The following CELF2 variants were observed in gnomAD, a reference collection of about 807,000 sequenced individuals.
CELF2 encodes CUG triplet repeat RNA-binding protein 2.
In CELF2, 8 loss-of-function variants were observed where a neutral mutation model predicts 62.6. The observed-to-expected ratio is 0.13, with a 90% CI of 0.07 to 0.23. The LOEUF (loss-of-function observed/expected upper bound fraction) is 0.23. Ranked by LOEUF, CELF2 falls within the 10% of genes least tolerant of loss-of-function variation. CELF2 has a pLI of 1.00. For missense variants in CELF2, 333 were observed against 671.0 expected (o/e 0.50, Z 5.56); for synonymous variants, 258 against 250.0 (o/e 1.03, Z -0.30).
At chr10:10,766,362 A>G in the CELF2 span, among the ~76,000 whole-genome samples, 2 of 152,232 alleles carry the variant, frequency 1.3e-5, no homozygotes, top group Non-Finnish European at 2.9e-5. Context: ...TTCCTTTGTC[A>G]TAAAATGTGT....
chr10:10,752,176 G>A, the CELF2 span, among the ~76,000 whole-genome samples: 3 of 152,216 alleles, frequency 2.0e-5, no homozygotes, highest in African/African-American at 7.2e-5. Context: ...ACTCCTCCCA[G>A]GAGAGAGTCA....
chr10:11,243,566 A>C lies in CELF2; in HGVS notation c.355-5587A>C, dbSNP rs940757162. Among the ~76,000 whole-genome samples the C allele has an allele frequency of 2.6e-5, 4 of 152,218 alleles. No individual in the cohort carries two copies. Among genetic ancestry groups the C allele is most frequent in the Admixed American group, 6.5e-5 (1 of 15,282 alleles). On this transcript the variant is annotated intron_variant, in intron 3 of 12. Coordinates refer to ENST00000633077, the MANE Select transcript of CELF2 (RefSeq NM_001326342.2). The surrounding 1 kb of genome is among the most constrained non-coding windows in gnomAD (Gnocchi z 4.1). ...CTGCGGCCTTGCGTGAGAGGACCAGAGATCTCCTGTCGTCTTCCAGGCTTG... is the reference window on the plus strand; with the variant it reads ...CTGCGGCCTTGCGTGAGAGGACCAGCGATCTCCTGTCGTCTTCCAGGCTTG...
At chr10:10,736,396 C>CTTTCTTTTTTTTTTTTTTT in the CELF2 span, among the ~76,000 whole-genome samples, 1 of 76,016 alleles carries the variant, frequency 1.3e-5, no homozygotes, top group Non-Finnish European at 2.7e-5. Flanking sequence ...TTCTTTCTTT[C>CTTTCTTTTTTTTTTTTTTT]TTTTTTTTTT....
At chr10:11,079,920 C>G (rs1387803068) in intron 1 of CELF2, among the ~76,000 whole-genome samples, 2 of 152,142 alleles carry the variant, frequency 1.3e-5, no homozygotes, top group Non-Finnish European at 2.9e-5. Context: ...TGCAAGATGA[C>G]TTTGGGATTT....
At chr10:10,882,903 T>G (rs747965040) in intron 1 of CELF2, among the ~76,000 whole-genome samples, 1 of 152,204 alleles carries the variant, frequency 6.6e-6, no homozygotes, top group South Asian at 2.1e-4. Context: ...TATAATAATA[T>G]GATCTTGTCA....
chr10:10,755,266 G>C, the CELF2 span, among the ~76,000 whole-genome samples: 11 of 152,142 alleles, frequency 7.2e-5, no homozygotes, highest in Admixed American at 2.6e-4. Context: ...GAGAACATGA[G>C]TTTCTTCCTC....
chr10:10,938,514 G>A lies in CELF2; in HGVS notation c.89+18515G>A, dbSNP rs761974180. On this transcript the variant is annotated intron_variant, in intron 2 of 13. Coordinates refer to the CELF2 transcript ENST00000636488. The surrounding 1 kb of genome is among the most constrained non-coding windows in gnomAD (Gnocchi z 4.2). ...CTGAGGGATATGTTAAAATACCATTGCAAACATGTCAGGCAACTCAAGTTT... is the reference window on the plus strand; with the variant it reads ...CTGAGGGATATGTTAAAATACCATTACAAACATGTCAGGCAACTCAAGTTT... 2.0e-5 allele frequency among the ~76,000 whole-genome samples: 3 copies of A among 152,168 alleles called. No homozygotes were observed. The highest frequency in any genetic ancestry group is 2.9e-5 in the Non-Finnish European group (2 of 68,042).
At chr10:10,792,183 C>G in the CELF2 span, among the ~76,000 whole-genome samples, 1 of 152,134 alleles carries the variant, frequency 6.6e-6, no homozygotes, top group Admixed American at 6.5e-5. Flanking sequence ...TTTGATTGCT[C>G]AACAAATGCT....
chr10:10,645,799 G>C, the CELF2 span, among the ~76,000 whole-genome samples: 3 of 152,236 alleles, frequency 2.0e-5, no homozygotes, highest in Non-Finnish European at 4.4e-5. Context: ...TTCTGAGATT[G>C]ACAAATGATT....
chr10:10,725,290 A>T, the CELF2 span, among the ~76,000 whole-genome samples: 1 of 152,184 alleles, frequency 6.6e-6, no homozygotes. Context: ...TCTTTCTGTC[A>T]AAGGAGGAGA....
At chr10:10,937,749 G>T (rs191271592) in intron 2 of CELF2, among the ~76,000 whole-genome samples, 13 of 152,220 alleles carry the variant, frequency 8.5e-5, no homozygotes, top group African/African-American at 3.1e-4. Flanking sequence ...AGTGTTATTT[G>T]TGTGAAGTAA....
At chr10:10,841,303 G>T (rs2058666586) in intron 1 of CELF2, among the ~76,000 whole-genome samples, 1 of 149,886 alleles carries the variant, frequency 6.7e-6, no homozygotes, top group Non-Finnish European at 1.5e-5. Context: ...GGTCCAAATT[G>T]TCAATTTTTT....
intron 2 of CELF2, among the ~76,000 whole-genome samples, chr10:10,945,371 C>T (rs2047544743): frequency 6.6e-6 from 1 of 152,162 alleles, no homozygotes; most frequent in Non-Finnish European, 1.5e-5. Context: ...CGGCCAGACC[C>T]CAGCATATGC....
At chr10:10,693,687 G>A in the CELF2 span, among the ~76,000 whole-genome samples, 11 of 151,448 alleles carry the variant, frequency 7.3e-5, no homozygotes, top group South Asian at 2.3e-3. Context: ...CACAATTTCA[G>A]CTCCTGTTAT....
chr10:10,616,395 A>C, the CELF2 span, among the ~76,000 whole-genome samples: 1 of 151,360 alleles, frequency 6.6e-6, no homozygotes, highest in African/African-American at 2.4e-5. Flanking sequence ...GCCTCCTGTT[A>C]TGGAAAGAAT....
At chr10:10,684,952 A>G in the CELF2 span, among the ~76,000 whole-genome samples, 3 of 152,144 alleles carry the variant, frequency 2.0e-5, no homozygotes, top group Admixed American at 6.6e-5. Flanking sequence ...AAGATTTCCC[A>G]TATCTCAGTG....
intron 1 of CELF2, among the ~76,000 whole-genome samples, chr10:11,085,897 T>G (rs2046574528): frequency 6.6e-6 from 1 of 150,692 alleles, no homozygotes; most frequent in Non-Finnish European, 1.5e-5. Context: ...TTCACAATAA[T>G]CCAGACCTTT....
the CELF2 span, among the ~76,000 whole-genome samples, chr10:10,672,073 A>G: frequency 1.3e-5 from 2 of 152,090 alleles, no homozygotes; most frequent in Non-Finnish European, 2.9e-5. Flanking sequence ...CATTTGGCCC[A>G]TTTTTTAACT....
chr10:10,524,726 A>T, the CELF2 span, among the ~76,000 whole-genome samples: 1 of 152,154 alleles, frequency 6.6e-6, no homozygotes, highest in East Asian at 1.9e-4. Flanking sequence ...GATGCCTCAC[A>T]CTTTGATTGA....
Sources: allele counts gnomAD v4.1 joint callset (sites outside exome capture counted in the v4.1 genomes callset), GRCh38; gene constraint gnomAD v4.1.1; non-coding constraint Gnocchi (gnomAD v3.1); transcripts MANE v1.5; gene names NCBI Gene and HGNC (gene_info 2026-07-23, HGNC 2026-07-21).